Variants in EXOC4 observed in about 807,000 individuals in gnomAD.
EXOC4 encodes the protein exocyst complex component 4.
Under a neutral mutation model 107.2 loss-of-function variants are expected in EXOC4, and 71 were observed. The observed-to-expected ratio is 0.66, with a 90% CI of 0.55 to 0.81. EXOC4 has a LOEUF of 0.81. EXOC4 is among the 30% of genes least tolerant of loss of function. The probability of loss-of-function intolerance (pLI) is 0.00; values close to 1 mark genes in which losing one functional copy is unlikely to be tolerated. For synonymous variants in EXOC4, 456 were observed against 441.2 expected (o/e 1.03, Z -0.42); for missense variants, 1,108 against 1,189.6 (o/e 0.93, Z 1.01).
At chr7:133,474,672 G>C (rs1027217360) in intron 7 of EXOC4, among the ~76,000 whole-genome samples, 3 of 152,036 alleles carry the variant, frequency 2.0e-5, no homozygotes, top group Middle Eastern at 3.2e-3. Flanking sequence ...AATATGAGTA[G>C]TGGCTATGGA....
intron 14 of EXOC4, among the ~76,000 whole-genome samples, chr7:133,991,101 T>C (rs1467495741): frequency 6.6e-6 from 1 of 152,218 alleles, no homozygotes; most frequent in Non-Finnish European, 1.5e-5. Context: ...TTTTTTATAA[T>C]AGTCATTCTC....
intron 9 of EXOC4, among the ~76,000 whole-genome samples, chr7:133,533,392 T>C (rs866762413): frequency 8.5e-5 from 13 of 152,178 alleles, no homozygotes; most frequent in South Asian, 2.1e-4. Context: ...CAGGACATTG[T>C]AGCTTGTGGA....
At chr7:133,794,286 G>T (rs1796768313) in intron 10 of EXOC4, among the ~76,000 whole-genome samples, 1 of 152,006 alleles carries the variant, frequency 6.6e-6, no homozygotes, top group African/African-American at 2.4e-5. Context: ...CAGTAATTTA[G>T]GTGATATTTT....
At chr7:133,376,872 C>T (rs1796502319) in intron 7 of EXOC4, among the ~76,000 whole-genome samples, 1 of 152,178 alleles carries the variant, frequency 6.6e-6, no homozygotes, top group Admixed American at 6.6e-5. Flanking sequence ...TCTATTTTAT[C>T]ATCTTGATCC....
At chr7:133,675,331 C>T (rs921780092) in intron 10 of EXOC4, among the ~76,000 whole-genome samples, 9 of 152,108 alleles carry the variant, frequency 5.9e-5, no homozygotes, top group African/African-American at 2.2e-4. Flanking sequence ...TGGTTGAAGT[C>T]CAGAAAGAGT....
At chr7:133,341,693 A>G (rs550183327) in intron 5 of EXOC4, among the ~76,000 whole-genome samples, 1 of 152,172 alleles carries the variant, frequency 6.6e-6, no homozygotes, top group African/African-American at 2.4e-5. Flanking sequence ...AGAAGTAAAT[A>G]TTTTATAAAT....
chr7:133,961,726 C>G (rs1356018812), intron 14 of EXOC4, among the ~76,000 whole-genome samples: 1 of 152,206 alleles, frequency 6.6e-6, no homozygotes, highest in Non-Finnish European at 1.5e-5. Flanking sequence ...TTTCTGATGA[C>G]AAAACTAAGT....
intron 8 of EXOC4, chr7:133,479,483 C>A (rs1168658747): frequency 2.6e-5 from 4 of 152,616 alleles, no homozygotes; most frequent in Non-Finnish European, 5.8e-5. Flanking sequence ...AAACTAGCAG[C>A]CATTTAGAAA....
intron 11 of EXOC4, among the ~76,000 whole-genome samples, chr7:133,818,990 G>A (rs1439042601): frequency 1.3e-5 from 2 of 152,134 alleles, no homozygotes; most frequent in African/African-American, 2.4e-5. Context: ...AGGAGAAAGA[G>A]GGTGGGTGAT....
At chr7:133,277,117 A>G (rs1201192342) in intron 2 of EXOC4, among the ~76,000 whole-genome samples, 3 of 152,078 alleles carry the variant, frequency 2.0e-5, no homozygotes, top group Admixed American at 6.6e-5. Context: ...ATGCGCCACC[A>G]CGCCTGGCTA....
chr7:133,259,685 T>C (rs1795098733), intron 1 of EXOC4, among the ~76,000 whole-genome samples: 1 of 152,172 alleles, frequency 6.6e-6, no homozygotes, highest in Admixed American at 6.5e-5. Context: ...TAAGAAAAAT[T>C]ATTTCAGATT....
At chr7:133,605,594 G>C (rs1259612530) in intron 9 of EXOC4, among the ~76,000 whole-genome samples, 3 of 152,166 alleles carry the variant, frequency 2.0e-5, no homozygotes, top group African/African-American at 7.2e-5. Context: ...TTTTCCTGAA[G>C]TAAGGATGAC....
intron 7 of EXOC4, among the ~76,000 whole-genome samples, chr7:133,433,414 A>G (rs1233777391): frequency 1.3e-5 from 2 of 152,170 alleles, no homozygotes; most frequent in Non-Finnish European, 2.9e-5. Flanking sequence ...TTGCACTTCT[A>G]TTGTTTGCCG....
chr7:134,051,099 G>A (rs944965775), intron 17 of EXOC4, among the ~76,000 whole-genome samples: 8 of 152,202 alleles, frequency 5.3e-5, no homozygotes, highest in South Asian at 2.1e-4. Flanking sequence ...AGCTAGTTCC[G>A]TTAAGCAAAA....
In EXOC4 at chr7:133,787,958, TATATTTATATATATATATATATATA is replaced by T. The variant is rs1796614731; in HGVS notation, c.1515-29366_1515-29342del. On this transcript the variant is annotated intron_variant, in intron 10 of 17. Transcript: ENST00000253861. ...TACTTCTTCCCTGTGCATATATTTA[TATATTTATATATATATATATATATA>T]TATATATATATATATATATATATAT... is the stretch of plus-strand genomic sequence containing the variant. Among the ~76,000 whole-genome samples, 236 of 52,980 alleles carry T rather than the reference TATATTTATATATATATATATATATA, an allele frequency of 4.5e-3. 29 individuals are homozygous for T. Among genetic ancestry groups the T allele is most frequent in the South Asian group, 0.012 (22 of 1,806 alleles). 34.8% of individuals were successfully genotyped at this position (52,980 alleles called of 152,430 possible).
chr7:133,347,980 AC>A (rs2150639793), intron 5 of EXOC4, among the ~76,000 whole-genome samples: 1 of 152,322 alleles, frequency 6.6e-6, no homozygotes, highest in East Asian at 1.9e-4. Flanking sequence ...TAAAACCTAC[AC>A]GTTGAGTACA....
chr7:134,054,653 T>A (rs10270050), intron 17 of EXOC4, among the ~76,000 whole-genome samples: 2,076 of 152,346 alleles, frequency 0.014, 46 homozygotes, highest in African/African-American at 0.046. Context: ...GCCGTTCTCA[T>A]TACCCTCTGT....
chr7:133,713,762 T>C (rs1173262916), intron 10 of EXOC4, among the ~76,000 whole-genome samples: 1 of 152,076 alleles, frequency 6.6e-6, no homozygotes, highest in African/African-American at 2.4e-5. Context: ...GCTTGGCACT[T>C]CTCCTTCTTG....
intron 7 of EXOC4, among the ~76,000 whole-genome samples, chr7:133,474,138 T>C (rs1462872245): frequency 1.3e-5 from 2 of 152,214 alleles, no homozygotes; most frequent in African/African-American, 4.8e-5. Flanking sequence ...CTAGTTGTTT[T>C]ATAACTCTTC....
Sources: gnomAD v4.1 joint callset for allele counts (sites outside exome capture counted in the v4.1 genomes callset) on GRCh38, gnomAD v4.1.1 for gene constraint, MANE v1.5 for transcripts, NCBI Gene and HGNC (gene_info 2026-07-23, HGNC 2026-07-21) for gene names.